NHSL1: variants seen among roughly 807,000 people sequenced by gnomAD.
NHSL1 encodes the protein NHS-like protein 1.
NHSL1 carries 48 observed loss-of-function variants against 95.0 expected under a neutral mutation model. The ratio of observed to expected loss-of-function variants is 0.51; its 90% CI spans 0.40 to 0.64. The LOEUF (loss-of-function observed/expected upper bound fraction) is 0.64, where lower values mean the gene tolerates loss of function less well. NHSL1 is among the 30% of genes least tolerant of loss of function. NHSL1 has a pLI of 0.00. For synonymous variants in NHSL1, 783 were observed against 833.9 expected, an observed-to-expected ratio of 0.94 and a Z score of 1.05; for missense variants, 1,971 against 2,077.7, an observed-to-expected ratio of 0.95 and a Z score of 1.00.
In NHSL1 at chr6:138,514,334, C is replaced by CAAAT. The variant is rs567926232; in HGVS notation, c.17-17964_17-17963insATTT. The stretch of plus-strand genomic sequence containing the variant: ...CTCCATCTCAAAACAAACAAACAAA[C>CAAAT]AAACAAACAAAACAAACTTTATTCT... On this transcript the variant is annotated intron_variant, in intron 1 of 4. Transcript: ENST00000342260. Among the ~76,000 whole-genome samples, 942 of 151,722 alleles carry CAAAT rather than the reference C, an allele frequency of 6.2e-3. 22 individuals are homozygous for CAAAT. The highest frequency in any genetic ancestry group is 0.048 in the Admixed American group (733 of 15,228).
At chr6:138,517,994 T>G (rs1781523877) in intron 1 of NHSL1, among the ~76,000 whole-genome samples, 1 of 152,152 alleles carries the variant, frequency 6.6e-6, no homozygotes, top group Non-Finnish European at 1.5e-5. Flanking sequence ...TTGTTAGTTC[T>G]GTGGCTGGTT....
At position 138,433,487 on chromosome 6, in the gene NHSL1, G is replaced by A; in HGVS notation, c.858C>T (p.Gly286=). The change falls in exon 6 of 8, where the codon GGC becomes GGT. Residue 286 remains glycine (G), a synonymous_variant. Transcript: ENST00000343505. ...AGAAGTGGCCCATCTGGGCAGCAAT[G>A]CCTTGCCCCTTCTGTGCCCTGATTC... ...MRRIRAQKGQ[G]IAAQMGHFSG... is the part of the protein sequence containing the mutation. The A allele has an allele frequency of 6.4e-7, 1 of 1,552,136 alleles. No homozygotes were observed. The highest frequency in any genetic ancestry group is 1.4e-5 in the African/African-American group (1 of 73,158).
rs1445059017 is a variant in NHSL1, at chr6:138,433,609, T to A, written c.736A>T (p.Arg246Trp). Residue 246 changes from arginine to tryptophan, a missense_variant, in exon 6 of 8, where the codon AGG becomes TGG. Arg to Trp is a moderately radical substitution (Grantham distance 101). Coordinates refer to ENST00000343505, the MANE Select transcript of NHSL1 (RefSeq NM_001144060.2). Reference sequence around the variant, plus strand: ...CCAGCAGACCGACAGCTATTGAACCTTCCTAGTGTAGAGTAGTGATCAGGG... The same window carrying A: ...CCAGCAGACCGACAGCTATTGAACCATCCTAGTGTAGAGTAGTGATCAGGG... ...YTPDHYSTLG[R>W]FNSCRSAGQR... is the part of the protein sequence containing the mutation. 6.4e-7 allele frequency: 1 copy of A among 1,552,156 alleles called. No individual in the cohort carries two copies. Among genetic ancestry groups the A allele is most frequent in the Admixed American group, 2.0e-5 (1 of 51,010 alleles).
At chr6:138,473,820 T>G (rs1449164772) in intron 2 of NHSL1, among the ~76,000 whole-genome samples, 1 of 151,780 alleles carries the variant, frequency 6.6e-6, no homozygotes. Flanking sequence ...AGTTACCAGA[T>G]TATGTGATGA....
rs1774973030 is a variant in NHSL1, at chr6:138,422,369, A to G, written c.*1712T>C. On this transcript the variant is annotated 3_prime_UTR_variant, in exon 8 of 8. Coordinates refer to ENST00000343505, the MANE Select transcript of NHSL1 (RefSeq NM_001144060.2). ...GTTTTGTTTTTTTCAGAGAAGGGAA[A>G]GAGCCTTCATTCTTTAGGTTTGTTT... The G allele has an allele frequency of 6.6e-6, 1 of 152,224 alleles. No homozygotes were observed. The highest frequency in any genetic ancestry group is 2.1e-4 in the South Asian group (1 of 4,832). 9.4% of individuals were successfully genotyped at this position (152,224 alleles called of 1,614,324 possible).
At chr6:138,438,214 C>T (rs147117158) in intron 5 of NHSL1, among the ~76,000 whole-genome samples, 84 of 152,308 alleles carry the variant, frequency 5.5e-4, no homozygotes, top group African/African-American at 1.9e-3. Context: ...TCATTCCTAC[C>T]TTCAGCAACC....
intron 1 of NHSL1, among the ~76,000 whole-genome samples, chr6:138,514,755 A>C (rs1015293375): frequency 6.6e-6 from 1 of 152,130 alleles, no homozygotes; most frequent in African/African-American, 2.4e-5. Context: ...CTGTCTCTAC[A>C]AAAAATAAAA....
At chr6:138,530,019 CA>C (rs1017964508) in intron 1 of NHSL1, among the ~76,000 whole-genome samples, 3 of 152,122 alleles carry the variant, frequency 2.0e-5, no homozygotes, top group African/African-American at 7.2e-5. Context: ...AAGACTCAAA[CA>C]GACCATTTTG....
chr6:138,683,744 T>G (rs1785542743), intron 1 of NHSL1, among the ~76,000 whole-genome samples: 1 of 152,244 alleles, frequency 6.6e-6, no homozygotes, highest in Non-Finnish European at 1.5e-5. Flanking sequence ...AAAGCCTAGC[T>G]CCATTGCTTA....
At position 138,464,337 on chromosome 6, in the gene NHSL1, G is replaced by A. The variant is rs563882321; in HGVS notation, c.339+8969C>T. 3.1e-5 allele frequency: 17 copies of A among 551,606 alleles called. No homozygotes were observed. In the South Asian group the frequency reaches 3.3e-4, roughly 11 times the overall value. 34.2% of individuals were successfully genotyped at this position (551,606 alleles called of 1,614,324 possible). A position where few individuals can be genotyped will look rare whatever the true frequency, so the allele number is the denominator to read the frequency against. ...AGCGCCACACTCCTGGAGCTCCACG[G>A]CCTGGAGGCCATCTTGCAGGTGGTC... On this transcript the variant is annotated intron_variant, in intron 3 of 7. Transcript: ENST00000343505.
chr6:138,623,034 A>T (rs1440015398), intron 1 of NHSL1, among the ~76,000 whole-genome samples: 1 of 152,248 alleles, frequency 6.6e-6, no homozygotes, highest in East Asian at 1.9e-4. Context: ...TGCAACAGCC[A>T]GGCATGTTCA....
intron 1 of NHSL1, chr6:138,651,063 C>T (rs1334212100): frequency 2.6e-6 from 1 of 384,550 alleles, no homozygotes; most frequent in African/African-American, 2.1e-5. Flanking sequence ...ATTTTGATAA[C>T]ATGCCATAAA....
At position 138,432,335 on chromosome 6, in the gene NHSL1, C is replaced by T; in HGVS notation, c.2010G>A (p.Lys670=). 1.9e-6 allele frequency: 3 copies of T among 1,551,730 alleles called. No homozygotes were observed. The highest frequency in any genetic ancestry group is 2.6e-6 in the Non-Finnish European group (3 of 1,147,000). Residue 670 remains lysine, a synonymous_variant, in exon 6 of 8, where the codon AAG becomes AAA. Coordinates refer to ENST00000343505, the MANE Select transcript of NHSL1 (RefSeq NM_001144060.2). The surrounding 1 kb of genome is among the most constrained non-coding windows in gnomAD (Gnocchi z 4.4). The part of the protein sequence containing the change: ...SRNISLKKAK[K]PPLPPSRTDS... ...CTGTCCGGGAGGGTGGCAGGGGAGG[C>T]TTCTTTGCTTTCTTCAAAGAGATGT...
chr6:138,424,407 G>C lies in NHSL1; in HGVS notation c.4495C>G (p.Arg1499Gly). Residue 1499 changes from arginine (R) to glycine (G), a missense_variant, in exon 8 of 8, where the codon CGC becomes GGC. Arg to Gly is a moderately radical substitution (Grantham distance 125). Transcript: ENST00000343505. The surrounding 1 kb of genome is among the most constrained non-coding windows in gnomAD (Gnocchi z 5.9). ...SLSFSGPRYG[R>G]SRTPPSAASS... ...GCGGCAGAAGGCGGCGTTCGGCTGCGGCCGTACCTGGGGCCGGAAAAGGAC... is the reference window on the plus strand; with the variant it reads ...GCGGCAGAAGGCGGCGTTCGGCTGCCGCCGTACCTGGGGCCGGAAAAGGAC... The C allele has an allele frequency of 6.5e-7, 1 of 1,550,040 alleles. No homozygotes were observed. Among genetic ancestry groups the C allele is most frequent in the South Asian group, 1.2e-5 (1 of 84,006 alleles).
At chr6:138,483,199 C>T (rs189441137) in intron 2 of NHSL1, among the ~76,000 whole-genome samples, 5 of 152,168 alleles carry the variant, frequency 3.3e-5, no homozygotes, top group African/African-American at 7.2e-5. Context: ...AGGAGGTGTT[C>T]GGTGGGGATC....
intron 1 of NHSL1, among the ~76,000 whole-genome samples, chr6:138,551,452 G>A (rs1782999021): frequency 6.6e-6 from 1 of 152,156 alleles, no homozygotes; most frequent in South Asian, 2.1e-4. Context: ...ACACTTTTAA[G>A]ATGACAATGA....
chr6:138,534,612 C>T (rs1296709643), intron 1 of NHSL1, among the ~76,000 whole-genome samples: 1 of 152,212 alleles, frequency 6.6e-6, no homozygotes, highest in Non-Finnish European at 1.5e-5. Flanking sequence ...AGGCTCCCTG[C>T]TGTTTATTTC....
chr6:138,447,282 A>G (rs1776925733), intron 3 of NHSL1, 89 bp from the exon 4 acceptor site: 1 of 1,165,036 alleles, frequency 8.6e-7, no homozygotes, highest in Non-Finnish European at 1.2e-6. Context: ...AAAAAATTGG[A>G]CTGGTTTAAA....
chr6:138,677,183 T>G (rs552438182), intron 1 of NHSL1, among the ~76,000 whole-genome samples: 1 of 152,382 alleles, frequency 6.6e-6, no homozygotes, highest in South Asian at 2.1e-4. Context: ...AATGTTTTTA[T>G]GTCCCATCCA....
Sources: gnomAD v4.1 joint callset for allele counts (sites outside exome capture counted in the v4.1 genomes callset) on GRCh38, gnomAD v4.1.1 for gene constraint, Gnocchi (gnomAD v3.1) non-coding constraint, MANE v1.5 for transcripts, NCBI Gene and HGNC (gene_info 2026-07-23, HGNC 2026-07-21) for gene names.